The following AOAH variants were observed in gnomAD, a reference collection of about 807,000 sequenced individuals.
The protein encoded by AOAH is acyloxyacyl hydrolase (neutrophil).
In AOAH, 64 loss-of-function variants were observed where a neutral mutation model predicts 92.2. The observed-to-expected ratio is 0.69, with a 90% confidence interval of 0.57 to 0.86. AOAH has a LOEUF of 0.86. AOAH is among the 40% of genes least tolerant of loss of function. The pLI, the probability that AOAH is intolerant of heterozygous loss-of-function variation, is 0.00. For missense variants in AOAH, 656 were observed against 694.6 expected (o/e 0.94, Z 0.62); for synonymous variants, 263 against 254.5 (o/e 1.03, Z -0.32).
chr7:36,585,525 G>A (rs11769838), intron 12 of AOAH, among the ~76,000 whole-genome samples: 10,179 of 152,198 alleles, frequency 0.067, 390 homozygotes, highest in East Asian at 0.13. Context: ...CAAAGAGTCA[G>A]TACAAAATGC....
At chr7:36,656,969 G>A (rs17403361) in intron 4 of AOAH, among the ~76,000 whole-genome samples, 51,444 of 151,184 alleles carry the variant, frequency 0.34, 8,884 homozygotes, top group South Asian at 0.46. Context: ...TACGTGCTAC[G>A]TAGGAGTGAT....
intron 3 of AOAH, among the ~76,000 whole-genome samples, chr7:36,670,492 C>G (rs1256290023): frequency 6.6e-6 from 1 of 152,140 alleles, no homozygotes; most frequent in African/African-American, 2.4e-5. Context: ...GAATTAGTCT[C>G]TTTATTAGAA....
chr7:36,552,899 T>A (rs1392279299), intron 13 of AOAH, among the ~76,000 whole-genome samples: 9 of 152,172 alleles, frequency 5.9e-5, no homozygotes, highest in African/African-American at 2.2e-4. Flanking sequence ...AGCAACGACA[T>A]GATTTAGTTC....
chr7:36,688,830 TATAC>T (rs767823467), intron 1 of AOAH, among the ~76,000 whole-genome samples: 56 of 150,900 alleles, frequency 3.7e-4, no homozygotes, highest in Middle Eastern at 3.4e-3. Flanking sequence ...TATGTGTATA[TATAC>T]ATATATATAT....
intron 19 of AOAH, among the ~76,000 whole-genome samples, chr7:36,524,542 G>T (rs187334068): frequency 7.9e-5 from 12 of 151,882 alleles, no homozygotes; most frequent in Admixed American, 6.6e-4. Context: ...CAGGTGTGGT[G>T]GTGGGCACCT....
intron 4 of AOAH, among the ~76,000 whole-genome samples, chr7:36,648,470 T>C (rs938027738): frequency 2.0e-5 from 3 of 152,134 alleles, no homozygotes; most frequent in Admixed American, 6.5e-5. Flanking sequence ...CAGAAAATAA[T>C]TCATTGTGTG....
Position 36,616,406 on chromosome 7 carries a change from A to C in AOAH, c.820T>G (p.Trp274Gly). 6.2e-7 allele frequency: 1 copy of C among 1,614,148 alleles called. No individual in the cohort carries two copies. The highest frequency in any genetic ancestry group is 8.5e-7 in the Non-Finnish European group (1 of 1,179,944). Residue 274 changes from tryptophan (W) to glycine (G), a missense_variant, in exon 11 of 21, where the codon TGG (tryptophan) becomes GGG (glycine). Transcript: ENST00000617537. Reference sequence around the variant, plus strand: ...AAAGACATCTGCGACGCTGTGATCCATTCAGGAGAGATGTGAAAATGAGCC... The same window carrying C: ...AAAGACATCTGCGACGCTGTGATCCCTTCAGGAGAGATGTGAAAATGAGCC... ...AGAHFHISPEWITASQMSLNS... is the reference protein window; with the variant it reads ...AGAHFHISPEGITASQMSLNS...
intron 1 of AOAH, among the ~76,000 whole-genome samples, chr7:36,699,934 T>G (rs982169643): frequency 6.6e-6 from 1 of 152,104 alleles, no homozygotes; most frequent in African/African-American, 2.4e-5. Flanking sequence ...TTTCATGTCT[T>G]AGATTTAAGT....
intron 1 of AOAH, among the ~76,000 whole-genome samples, chr7:36,715,362 G>T (rs1160369680): frequency 2.0e-5 from 3 of 152,142 alleles, no homozygotes; most frequent in Admixed American, 1.3e-4. Context: ...ATGCTCATGG[G>T]TAGGAAGAAT....
chr7:36,606,248 G>A (rs200946918), intron 11 of AOAH, among the ~76,000 whole-genome samples: 2 of 152,156 alleles, frequency 1.3e-5, no homozygotes, highest in Non-Finnish European at 2.9e-5. Flanking sequence ...TGACAGCTTC[G>A]ATACTGCCTG....
rs767211295 is a variant in AOAH at position 36,637,828 on chromosome 7, C to T, written c.450+23G>A. On this transcript the variant is annotated intron_variant, in intron 5 of 20. Transcript: ENST00000617537. ...GAGGACATGCCAAGGAAAAGGCTGGCGTTCTACGTGCTTAGTGCTTACCAG... is the reference window on the plus strand; with the variant it reads ...GAGGACATGCCAAGGAAAAGGCTGGTGTTCTACGTGCTTAGTGCTTACCAG... The T allele has an allele frequency of 4.6e-5, 74 of 1,611,076 alleles. No individual in the cohort carries two copies. In the South Asian group the frequency reaches 7.1e-4, roughly 16 times the overall value.
chr7:36,698,953 T>C (rs563012697), intron 1 of AOAH, among the ~76,000 whole-genome samples: 1 of 152,220 alleles, frequency 6.6e-6, no homozygotes, highest in East Asian at 1.9e-4. Flanking sequence ...CCTCTCCTCA[T>C]TCTCCCCTCC....
intron 13 of AOAH, among the ~76,000 whole-genome samples, chr7:36,556,263 G>T (rs1431132436): frequency 6.6e-6 from 1 of 152,140 alleles, no homozygotes; most frequent in Non-Finnish European, 1.5e-5. Context: ...TTCAGAAGCA[G>T]GTTGTTCAGT....
rs1051146560 is a variant in AOAH at position 36,613,903 on chromosome 7, C to T, written c.846+2477G>A. 2.6e-5 allele frequency among the ~76,000 whole-genome samples: 4 copies of T among 152,158 alleles called. No individual in the cohort carries two copies. In the South Asian group the frequency reaches 6.2e-4, roughly 24 times the overall value. ...TTCTTGAGCAGTTTTCATATGTATC[C>T]GGATGTGTTTCCCCACTTGCTCATC... On this transcript the variant is annotated intron_variant, in intron 11 of 20. Coordinates refer to ENST00000617537, the MANE Select transcript of AOAH (RefSeq NM_001637.4).
chr7:36,600,134 T>A (rs1471828156), intron 11 of AOAH: 1 of 152,264 alleles, frequency 6.6e-6, no homozygotes, highest in Non-Finnish European at 1.5e-5. Flanking sequence ...GTTCCCCTTA[T>A]GTGCCAGGCA....
At chr7:36,587,071 C>T (rs1465753542) in intron 12 of AOAH, among the ~76,000 whole-genome samples, 1 of 151,518 alleles carries the variant, frequency 6.6e-6, no homozygotes, top group Non-Finnish European at 1.5e-5. Context: ...CAGGAGTTCG[C>T]GACCAGCCTG....
rs762797391 is a variant in AOAH, at chr7:36,632,037, A to G, written c.520T>C (p.Leu174=). 3.1e-6 allele frequency: 5 copies of G among 1,610,888 alleles called. No homozygotes were observed. Among genetic ancestry groups the G allele is most frequent in the Admixed American group, 3.3e-5 (2 of 59,822 alleles). The change falls in exon 6 of 21, where the codon TTA becomes CTA. Residue 174 remains leucine, a splice_region_variant and synonymous_variant. Transcript: ENST00000617537. ...GGAAGGTAGAAATTGTATACATACA[A>G]TTTAATTTTCTGGCAGATCTTGGCC... ...VLAKICQKIK[L]AMEQSVPFKD... is the part of the protein sequence containing the mutation.
intron 1 of AOAH, among the ~76,000 whole-genome samples, chr7:36,692,243 G>A (rs888799346): frequency 2.0e-5 from 3 of 152,252 alleles, no homozygotes; most frequent in South Asian, 2.1e-4. Flanking sequence ...TTCCTCTCCC[G>A]TCTACTAAGG....
chr7:36,541,352 C>T (rs1376185183), intron 15 of AOAH, among the ~76,000 whole-genome samples: 2 of 152,110 alleles, frequency 1.3e-5, no homozygotes, highest in African/African-American at 4.8e-5. Context: ...AAAGAAAGTA[C>T]TGAAAGTAGT....
Sources: allele counts gnomAD v4.1 joint callset (sites outside exome capture counted in the v4.1 genomes callset), GRCh38; gene constraint gnomAD v4.1.1; transcripts MANE v1.5; gene names NCBI Gene and HGNC (gene_info 2026-07-23, HGNC 2026-07-21).